The following PITPNM3 variants were observed in gnomAD, a reference collection of about 807,000 sequenced individuals.
The protein encoded by PITPNM3 is membrane-associated phosphatidylinositol transfer protein 3.
PITPNM3 carries 26 observed loss-of-function variants against 102.0 expected under a neutral mutation model. That is an observed-to-expected ratio of 0.25 (90% CI 0.19 to 0.35). The LOEUF is 0.35. Ranked by LOEUF, PITPNM3 falls within the 10% of genes least tolerant of loss-of-function variation. The pLI, the probability that PITPNM3 is intolerant of heterozygous loss-of-function variation, is 1.00. For missense variants in PITPNM3, 1,083 were observed against 1,346.1 expected, an observed-to-expected ratio of 0.80 and a Z score of 3.06; for synonymous variants, 578 against 558.6, an observed-to-expected ratio of 1.03 and a Z score of -0.49.
At chr17:6,506,242 G>GA (rs897564605) in intron 3 of PITPNM3, among the ~76,000 whole-genome samples, 11 of 148,380 alleles carry the variant, frequency 7.4e-5, no homozygotes, top group Admixed American at 1.3e-4. Context: ...TGTTCAAACA[G>GA]AAAAAAAAAA....
Position 6,469,546 on chromosome 17 carries a change from T to C in PITPNM3, c.1773+714A>G, listed in dbSNP as rs1016207411. Among the ~76,000 whole-genome samples the C allele has an allele frequency of 6.6e-6, 1 of 152,106 alleles. No homozygotes were observed. The highest frequency in any genetic ancestry group is 2.4e-5 in the African/African-American group (1 of 41,392). On this transcript the variant is annotated intron_variant, in intron 13 of 19. Transcript: ENST00000262483. The surrounding 1 kb of genome is among the most constrained non-coding windows in gnomAD (Gnocchi z 4.0). Reference sequence around the variant, plus strand: ...AGGACGTACTGGGCTCCCGTCTTTCTCCTACAACGCAGACAGCCACAAGCG... The same window carrying C: ...AGGACGTACTGGGCTCCCGTCTTTCCCCTACAACGCAGACAGCCACAAGCG...
At chr17:6,530,770 A>C (rs1443720416) in intron 2 of PITPNM3, among the ~76,000 whole-genome samples, 1 of 152,184 alleles carries the variant, frequency 6.6e-6, no homozygotes, top group Non-Finnish European at 1.5e-5. Flanking sequence ...TGGCCTGCTT[A>C]TGCATATTCA....
At chr17:6,464,594 G>T (rs1904665499) in intron 15 of PITPNM3, 61 bp downstream of exon 15, 1 of 1,500,944 alleles carries the variant, frequency 6.7e-7, no homozygotes, top group Non-Finnish European at 9.2e-7. Context: ...ACGCTATGTG[G>T]CTCCATGAGG....
chr17:6,513,065 G>A (rs946699161), intron 3 of PITPNM3, among the ~76,000 whole-genome samples: 5 of 144,156 alleles, frequency 3.5e-5, no homozygotes, highest in Non-Finnish European at 5.9e-5. Context: ...CTCAATACAT[G>A]TCTGCAAAAA....
chr17:6,451,725 A>G lies in PITPNM3; in HGVS notation c.*3613T>C, dbSNP rs1438433712. 6.6e-6 allele frequency: 1 copy of G among 152,238 alleles called. No individual in the cohort carries two copies. The highest frequency in any genetic ancestry group is 1.5e-5 in the Non-Finnish European group (1 of 68,060). 9.4% of individuals were successfully genotyped at this position (152,238 alleles called of 1,614,324 possible). A position where few individuals can be genotyped will look rare whatever the true frequency, so the allele number is the denominator to read the frequency against. ...CTGTTAGTGTCTCAACAAGGAGAGCAGAGCCCAGGTCAGGCCTCACTGCTT... is the reference window on the plus strand; with the variant it reads ...CTGTTAGTGTCTCAACAAGGAGAGCGGAGCCCAGGTCAGGCCTCACTGCTT... On this transcript the variant is annotated 3_prime_UTR_variant, in exon 20 of 20. Coordinates refer to ENST00000262483, the MANE Select transcript of PITPNM3 (RefSeq NM_031220.4).
In PITPNM3 at chr17:6,520,162, G is replaced by A. The variant is rs377461932; in HGVS notation, c.226+5194C>T. On this transcript the variant is annotated intron_variant, in intron 3 of 19. Transcript: ENST00000262483. Reference sequence around the variant, plus strand: ...TAAAGACAAAGCAAAACAAGAAAACGTTTTTACCCGACCATTACATAAAAT... The same window carrying A: ...TAAAGACAAAGCAAAACAAGAAAACATTTTTACCCGACCATTACATAAAAT... Among the ~76,000 whole-genome samples, 14 of 152,230 alleles carry A rather than the reference G, an allele frequency of 9.2e-5. No individual in the cohort carries two copies. The South Asian group carries it at 1.5e-3, about 16-fold the overall frequency.
At position 6,477,129 on chromosome 17, in the gene PITPNM3, A is replaced by G; in HGVS notation, c.985T>C (p.Leu329=). The G allele has an allele frequency of 1.9e-6, 3 of 1,614,108 alleles. No individual in the cohort carries two copies. Among genetic ancestry groups the G allele is most frequent in the African/African-American group, 1.3e-5 (1 of 75,002 alleles). ...GGCCTCTTGGGCTCCTCATCCTCCA[A>G]CCCACTGGAGATGTCAATGTTGCTT... ...SKSNIDISSG[L]EDEEPKRPLP... The change falls in exon 9 of 20, where the codon TTG becomes CTG. Residue 329 remains leucine (L), a synonymous_variant. Coordinates refer to ENST00000262483, the MANE Select transcript of PITPNM3 (RefSeq NM_031220.4).
At chr17:6,487,783 A>G (rs1165389850) in intron 4 of PITPNM3, among the ~76,000 whole-genome samples, 1 of 152,144 alleles carries the variant, frequency 6.6e-6, no homozygotes, top group Non-Finnish European at 1.5e-5. Flanking sequence ...CTGGGCATCA[A>G]ATCGGTGGAT....
At chr17:6,527,623 G>A (rs1233399376) in intron 2 of PITPNM3, among the ~76,000 whole-genome samples, 1 of 152,194 alleles carries the variant, frequency 6.6e-6, no homozygotes, top group African/African-American at 2.4e-5. Flanking sequence ...TTACCACCTT[G>A]AGTTCTTTGT....
chr17:6,463,931 G>A, intron 16 of PITPNM3, 50 bp from the exon 17 acceptor site: 2 of 1,608,146 alleles, frequency 1.2e-6, no homozygotes, highest in Non-Finnish European at 1.7e-6. Context: ...TCAGACGTTA[G>A]CCGGAATCCA....
At position 6,452,942 on chromosome 17, in the gene PITPNM3, A is replaced by C. The variant is rs1008291367; in HGVS notation, c.*2396T>G. The C allele has an allele frequency of 1.4e-5, 2 of 147,742 alleles. No individual in the cohort carries two copies. Among genetic ancestry groups the C allele is most frequent in the African/African-American group, 5.1e-5 (2 of 39,352 alleles). The allele number at this position is 147,742 out of a possible 1,614,324, so 9.2% of individuals were successfully genotyped here. On this transcript the variant is annotated 3_prime_UTR_variant, in exon 20 of 20. Coordinates refer to ENST00000262483, the MANE Select transcript of PITPNM3 (RefSeq NM_031220.4). ...AATTCCCCAGGGATCCTGGCTCATGAGCTCTCTCTCTCTCTTCCTCTCTCT... is the reference window on the plus strand; with the variant it reads ...AATTCCCCAGGGATCCTGGCTCATGCGCTCTCTCTCTCTCTTCCTCTCTCT...
At position 6,478,533 on chromosome 17, in the gene PITPNM3, G is replaced by A. The variant is rs1905455678; in HGVS notation, c.777+14C>T. Reference sequence around the variant, plus strand: ...ACAGGGGAGGGGAGAGGAGGAGAGGGCAGGCTGTCCTACCTGCCCACTGAA... The same window carrying A: ...ACAGGGGAGGGGAGAGGAGGAGAGGACAGGCTGTCCTACCTGCCCACTGAA... On this transcript the variant is annotated intron_variant, in intron 7 of 19. Transcript: ENST00000262483. This position sits in a 1 kb window ranked among gnomAD's most constrained non-coding sequence, Gnocchi z 4.4. 9 of 1,613,582 alleles carry A rather than the reference G, an allele frequency of 5.6e-6. No individual in the cohort carries two copies. Among genetic ancestry groups the A allele is most frequent in the Non-Finnish European group, 7.6e-6 (9 of 1,179,832 alleles).
chr17:6,551,736 T>A (rs356038), intron 1 of PITPNM3, among the ~76,000 whole-genome samples: 93,855 of 148,740 alleles, frequency 0.63, 30,082 homozygotes, highest in African/African-American at 0.8. Context: ...ATTAAAAAAA[T>A]TTTTTTTTTT....
chr17:6,494,084 G>A (rs1906654535), intron 4 of PITPNM3, among the ~76,000 whole-genome samples: 3 of 152,148 alleles, frequency 2.0e-5, no homozygotes, highest in Non-Finnish European at 4.4e-5. Flanking sequence ...CTCATCCGGT[G>A]TCTCAGGCAA....
rs749682615 is a variant in PITPNM3, at chr17:6,455,539, G to A, written c.2724C>T (p.Phe908=). The A allele has an allele frequency of 2.5e-6, 4 of 1,604,448 alleles. No homozygotes were observed. In the South Asian group the frequency reaches 3.3e-5, roughly 13 times the overall value. ...NSRMILRKGS[F]GLHAQPEFLR... ...GGAACTCTGGCTGCGCGTGCAGCCC[G>A]AAGCTGCCCTTGCGCAGGATCATGC... Residue 908 remains phenylalanine, a synonymous_variant, in exon 20 of 20, where the codon TTC becomes TTT. Transcript: ENST00000262483.
intron 4 of PITPNM3, among the ~76,000 whole-genome samples, chr17:6,490,445 A>G (rs1906387362): frequency 6.6e-6 from 1 of 152,186 alleles, no homozygotes; most frequent in Admixed American, 6.5e-5. Flanking sequence ...CTCCAGACCC[A>G]GCAGAATTTG....
chr17:6,461,436 G>A lies in PITPNM3; in HGVS notation c.2427C>T (p.Ser809=), dbSNP rs761073354. ...HNFPQGMIFF[S]DGLVHDPLRQ... is the part of the protein sequence containing the mutation. Reference sequence around the variant, plus strand: ...GCAGCGGGTCATGCACCAGCCCATCGGAGAAGAAGATCATGCCCTGTGGGA... The same window carrying A: ...GCAGCGGGTCATGCACCAGCCCATCAGAGAAGAAGATCATGCCCTGTGGGA... Residue 809 remains serine (S), a synonymous_variant, in exon 18 of 20, where the codon TCC becomes TCT. Transcript: ENST00000262483. 33 of 1,614,156 alleles carry A rather than the reference G, an allele frequency of 2.0e-5. No homozygotes were observed. Among genetic ancestry groups the A allele is most frequent in the South Asian group, 6.6e-5 (6 of 91,090 alleles).
intron 1 of PITPNM3, among the ~76,000 whole-genome samples, chr17:6,539,961 T>C (rs1159695488): frequency 6.6e-6 from 1 of 152,236 alleles, no homozygotes; most frequent in Non-Finnish European, 1.5e-5. Flanking sequence ...ATTTGGCTCC[T>C]GAGTTTGAAC....
chr17:6,468,062 A>G lies in PITPNM3; in HGVS notation c.1890+163T>C, dbSNP rs1239513700. Among the ~76,000 whole-genome samples the G allele has an allele frequency of 2.6e-5, 4 of 152,234 alleles. No individual in the cohort carries two copies. Among genetic ancestry groups the G allele is most frequent in the African/African-American group, 9.6e-5 (4 of 41,472 alleles). ...GCAACTCACACACCCTTGCAGCTGC[A>G]GTGCCTGGGCTCCATCTGAGTGTGA... On this transcript the variant is annotated intron_variant, in intron 14 of 19. Transcript: ENST00000262483. This position sits in a 1 kb window ranked among gnomAD's most constrained non-coding sequence, Gnocchi z 5.2.
Sources: gnomAD v4.1 joint callset for allele counts (sites outside exome capture counted in the v4.1 genomes callset) on GRCh38, gnomAD v4.1.1 for gene constraint, Gnocchi (gnomAD v3.1) non-coding constraint, MANE v1.5 for transcripts, NCBI Gene and HGNC (gene_info 2026-07-23, HGNC 2026-07-21) for gene names.